ARMC5: variants seen among roughly 807,000 people sequenced by gnomAD.
ARMC5 encodes the protein armadillo repeat containing 5, also known as armadillo repeat-containing protein 5.
Under a neutral mutation model 60.5 loss-of-function variants are expected in ARMC5, and 28 were observed. That is an observed-to-expected ratio of 0.46 (90% CI 0.34 to 0.63). The LOEUF (loss-of-function observed/expected upper bound fraction) is 0.63. Among genes scored for constraint, ARMC5 ranks in the 30% least tolerant of loss-of-function variants. ARMC5 has a pLI of 0.01. For synonymous variants in ARMC5, 680 were observed against 607.3 expected (o/e 1.12, Z -1.76); for missense variants, 1,189 against 1,304.9 (o/e 0.91, Z 1.37).
Position 31,465,911 on chromosome 16 carries a change from G to T in ARMC5, c.1926G>T (p.Leu642=). Reference sequence around the variant, plus strand: ...AGTCGCCCTTTGGGGTTGGGGCCCTGACGCACCTGCTGCTCTCTGGGAGCC... The same window carrying T: ...AGTCGCCCTTTGGGGTTGGGGCCCTTACGCACCTGCTGCTCTCTGGGAGCC... ...QAESPFGVGA[L]THLLLSGSPE... Residue 642 remains leucine, a synonymous_variant, in exon 5 of 6, where the codon CTG becomes CTT. Transcript: ENST00000268314. The T allele has an allele frequency of 6.2e-7, 1 of 1,608,860 alleles. No individual in the cohort carries two copies. Among genetic ancestry groups the T allele is most frequent in the Non-Finnish European group, 8.5e-7 (1 of 1,179,826 alleles).
chr16:31,467,047 A>T lies in ARMC5; in HGVS notation c.*158A>T. 6.8e-6 allele frequency: 7 copies of T among 1,034,134 alleles called. No individual in the cohort carries two copies. The South Asian group carries it at 1.6e-4, about 23-fold the overall frequency. 64.1% of individuals were successfully genotyped at this position (1,034,134 alleles called of 1,614,324 possible). A position where few individuals can be genotyped will look rare whatever the true frequency, so the allele number is the denominator to read the frequency against. ...CAAGATGACGATCTAAAGACCCGGGAGCGAGAAGCCAAGGCCAGGTTCTGG... is the reference window on the plus strand; with the variant it reads ...CAAGATGACGATCTAAAGACCCGGGTGCGAGAAGCCAAGGCCAGGTTCTGG... On this transcript the variant is annotated 3_prime_UTR_variant, in exon 6 of 6. Transcript: ENST00000268314.
intron 4 of ARMC5, 127 bp from the exon 5 acceptor site, chr16:31,465,723 T>G: frequency 6.6e-7 from 1 of 1,518,514 alleles, no homozygotes; most frequent in Non-Finnish European, 8.7e-7. Flanking sequence ...CAGCACTGTC[T>G]CTTCAGTGCC....
chr16:31,462,559 A>C lies in ARMC5; in HGVS notation c.1012A>C (p.Asn338His). 1 of 1,611,444 alleles carries C rather than the reference A, an allele frequency of 6.2e-7. No individual in the cohort carries two copies. Among genetic ancestry groups the C allele is most frequent in the Non-Finnish European group, 8.5e-7 (1 of 1,179,846 alleles). ...TGAGCTCCGGCAGCGCCGGGATCCT[A>C]ATGGAGCTAGCCCAACCTCCCAGCA... is the stretch of plus-strand genomic sequence containing the variant. ...VDELRQRRDP[N>H]GASPTSQQPL... The change falls in exon 3 of 6, where the codon AAT becomes CAT. Residue 338 changes from asparagine to histidine, a missense_variant. Physicochemically the swap from Asn to His is moderately conservative, Grantham distance 68. Coordinates refer to ENST00000268314, the MANE Select transcript of ARMC5 (RefSeq NM_001105247.2). This position sits in a 1 kb window ranked among gnomAD's most constrained non-coding sequence, Gnocchi z 7.2.
At chr16:31,458,559 T>C, upstream of ARMC5, 1 of 1,513,322 alleles carries the variant, frequency 6.6e-7, no homozygotes, top group Admixed American at 2.0e-5. Context: ...GGAGGCAGGC[T>C]GTGGTCAGTC....
At position 31,466,404 on chromosome 16, in the gene ARMC5, C is replaced by G. The variant is rs771192675; in HGVS notation, c.2323C>G (p.Arg775Gly). 5 of 1,612,290 alleles carry G rather than the reference C, an allele frequency of 3.1e-6. No individual in the cohort carries two copies. The Admixed American group carries it at 8.3e-5, about 27-fold the overall frequency. Residue 775 changes from arginine (R) to glycine (G), a missense_variant, in exon 6 of 6, where the codon CGG becomes GGG. By Grantham distance (125) the Arg-to-Gly change is moderately radical. This residue lies in a region of ARMC5 where 862 missense variants were observed against 1,071.2 expected (regional missense o/e 0.80). Coordinates refer to ENST00000268314, the MANE Select transcript of ARMC5 (RefSeq NM_001105247.2). The surrounding 1 kb of genome is among the most constrained non-coding windows in gnomAD (Gnocchi z 8.0). Reference protein sequence around the residue: ...AASATASPFFRALLSGSFAEA... With the variant: ...AASATASPFFGALLSGSFAEA... ...CTCAGCCACCGCCTCCCCTTTCTTC[C>G]GGGCCCTGCTGTCAGGCAGCTTTGC...
upstream of ARMC5, chr16:31,458,810 G>C: frequency 5.2e-6 from 8 of 1,530,674 alleles, no homozygotes; most frequent in South Asian, 1.2e-5. Flanking sequence ...GCCTCTTCTG[G>C]CGCGGCCGAC....
At chr16:31,465,374 T>C (rs111510548) in intron 4 of ARMC5, 118,168 of 1,331,800 alleles carry the variant, frequency 0.089, 5,868 homozygotes, top group Non-Finnish European at 0.1. Flanking sequence ...GCTCGCACTC[T>C]TGTCTTCTGG....
At chr16:31,459,052 G>A, upstream of ARMC5, 3 of 1,509,824 alleles carry the variant, frequency 2.0e-6, no homozygotes, top group South Asian at 3.7e-5. Flanking sequence ...CCGCACTTTC[G>A]GCCCGGCTCG....
Position 31,465,323 on chromosome 16 carries a change from C to G in ARMC5, c.1864+436C>G, listed in dbSNP as rs568812275. On this transcript the variant is annotated intron_variant, in intron 4 of 5. Transcript: ENST00000268314. ...CTGCTTCATGGCGTTACTGCTAGAC[C>G]AAGGAGCCCTTCTGCTGGCCCTGTC... 50 of 1,428,172 alleles carry G rather than the reference C, an allele frequency of 3.5e-5. No individual in the cohort carries two copies. The African/African-American group carries it at 6.6e-4, about 19-fold the overall frequency. 88.5% of individuals were successfully genotyped at this position (1,428,172 alleles called of 1,614,324 possible).
chr16:31,459,928 T>A lies in ARMC5; in HGVS notation c.404T>A (p.Ile135Asn). 6.2e-7 allele frequency: 1 copy of A among 1,605,416 alleles called. No homozygotes were observed. Among genetic ancestry groups the A allele is most frequent in the Non-Finnish European group, 8.5e-7 (1 of 1,179,640 alleles). ...AAGACGCTGGACTTGGCGCTCAGCA[T>A]CCTAGCCGATTGCTGTACGGAAGGG... is the stretch of plus-strand genomic sequence containing the variant. ...LRKTLDLALS[I>N]LADCCTEGAC... Residue 135 changes from isoleucine (I) to asparagine (N), a missense_variant, in exon 1 of 6, where the codon ATC (isoleucine) becomes AAC (asparagine). Physicochemically the swap from Ile to Asn is moderately radical, Grantham distance 149. Around this residue, in one of 2 missense-constraint regions of ARMC5, gnomAD observed 327 missense variants for 233.7 expected, o/e 1.40. Coordinates refer to ENST00000268314, the MANE Select transcript of ARMC5 (RefSeq NM_001105247.2).
chr16:31,458,907 C>T (rs536450954), upstream of ARMC5: 3 of 1,535,660 alleles, frequency 2.0e-6, no homozygotes, highest in Admixed American at 3.9e-5. Flanking sequence ...CTCGGGACAC[C>T]GGGGTCCAGC....
At chr16:31,465,554 T>C (rs1450195132) in intron 4 of ARMC5, 3 of 1,092,468 alleles carry the variant, frequency 2.7e-6, no homozygotes. Context: ...ATAACTATTC[T>C]TGTTTTATAT....
intron 3 of ARMC5, among the ~76,000 whole-genome samples, chr16:31,463,340 C>T (rs1043413919): frequency 6.6e-6 from 1 of 152,144 alleles, no homozygotes; most frequent in African/African-American, 2.4e-5. Context: ...CTCAGGTGAT[C>T]CACCCGCCTC....
chr16:31,459,151 A>G, upstream of ARMC5: 1 of 1,501,434 alleles, frequency 6.7e-7, no homozygotes, highest in Non-Finnish European at 8.9e-7. Context: ...GTCCCCGCCG[A>G]GTGCACGCCG....
chr16:31,465,233 C>T, intron 4 of ARMC5: 9 of 1,545,136 alleles, frequency 5.8e-6, no homozygotes, highest in Non-Finnish European at 7.9e-6. Flanking sequence ...ACCTGTGAAC[C>T]CCAGCCTCAC....
chr16:31,461,875 G>A (rs776726783), intron 1 of ARMC5, 47 bp from the exon 2 acceptor site: 4 of 1,546,902 alleles, frequency 2.6e-6, no homozygotes, highest in Non-Finnish European at 3.6e-6. Flanking sequence ...ATTGATGTGA[G>A]AGACAGTAAG....
At position 31,462,574 on chromosome 16, in the gene ARMC5, AC is replaced by A. The variant is rs1567375706; in HGVS notation, c.1029del (p.Ser344ProfsTer31). The A allele has an allele frequency of 1.2e-6, 2 of 1,612,106 alleles. No homozygotes were observed. The highest frequency in any genetic ancestry group is 1.7e-6 in the Non-Finnish European group (2 of 1,179,906). ...QRRDPNGASP[T>X]SQQPLVRAVC... ...CCGGGATCCTAATGGAGCTAGCCCAACCTCCCAGCAGCCCCTGGTGCGGGCT... is the reference window on the plus strand; with the variant it reads ...CCGGGATCCTAATGGAGCTAGCCCAACTCCCAGCAGCCCCTGGTGCGGGCT... On this transcript the variant is annotated frameshift_variant, in exon 3 of 6. Coordinates refer to ENST00000268314, the MANE Select transcript of ARMC5 (RefSeq NM_001105247.2). LOFTEE classifies it high-confidence loss of function. This position sits in a 1 kb window ranked among gnomAD's most constrained non-coding sequence, Gnocchi z 7.2.
chr16:31,460,092 C>T, intron 1 of ARMC5, 93 bp downstream of exon 1: 1 of 1,358,556 alleles, frequency 7.4e-7, no homozygotes, highest in South Asian at 1.2e-5. Context: ...GTGTCCTATC[C>T]CGGAATAACG....
rs28379274 is a variant in ARMC5, at chr16:31,465,594, C to T, written c.1865-256C>T. 6.5e-3 allele frequency: 8,932 copies of T among 1,367,038 alleles called. 485 individuals are homozygous for T. In the African/African-American group the frequency reaches 0.12, roughly 18 times the overall value. The allele number at this position is 1,367,038 out of a possible 1,614,324, so 84.7% of individuals were successfully genotyped here. A position where few individuals can be genotyped will look rare whatever the true frequency, so the allele number is the denominator to read the frequency against. On this transcript the variant is annotated intron_variant, in intron 4 of 5. Coordinates refer to ENST00000268314, the MANE Select transcript of ARMC5 (RefSeq NM_001105247.2). The stretch of plus-strand genomic sequence containing the variant: ...TTATACTGGAACAGCTCGTGTCCTC[C>T]GTCTCTTGCCTCGGCGCCTGGGTGG...
Sources: gnomAD v4.1 joint callset for allele counts (sites outside exome capture counted in the v4.1 genomes callset) on GRCh38, gnomAD v4.1.1 for gene constraint, gnomAD v4.1.1 regional missense constraint, Gnocchi (gnomAD v3.1) non-coding constraint, MANE v1.5 for transcripts, NCBI Gene and HGNC (gene_info 2026-07-23, HGNC 2026-07-21) for gene names.